ITPRID1: variants seen among roughly 807,000 people sequenced by gnomAD.
The protein encoded by ITPRID1 is ITPR interacting domain containing 1.
ITPRID1 carries 96 observed loss-of-function variants against 95.4 expected under a neutral mutation model. The observed-to-expected ratio is 1.01, with a 90% CI of 0.85 to 1.19. The LOEUF (loss-of-function observed/expected upper bound fraction) is 1.19. Among genes scored for constraint, ITPRID1 ranks in the 50% most tolerant of loss-of-function variants. The pLI, the probability that ITPRID1 is intolerant of heterozygous loss-of-function variation, is 0.00. For missense variants in ITPRID1, 1,339 were observed against 1,252.9 expected (o/e 1.07, Z -1.04); for synonymous variants, 510 against 453.6 (o/e 1.12, Z -1.58).
Position 31,574,752 on chromosome 7 carries a change from G to A in ITPRID1, c.598+10G>A, listed in dbSNP as rs375162818. 4 of 1,613,044 alleles carry A rather than the reference G, an allele frequency of 2.5e-6. No homozygotes were observed. The highest frequency in any genetic ancestry group is 3.4e-6 in the Non-Finnish European group (4 of 1,179,388). ...AACCCCAACTTGTACGGTAAGCGAG[G>A]TGCCTGTGGCATTCGCATCTCAGCA... is the stretch of plus-strand genomic sequence containing the variant. On this transcript the variant is annotated intron_variant, in intron 8 of 14. Coordinates refer to ENST00000615280, the MANE Select transcript of ITPRID1 (RefSeq NM_001257967.3).
chr7:31,653,013 A>G lies in ITPRID1; in HGVS notation c.*184A>G. 7.2e-7 allele frequency: 1 copy of G among 1,391,442 alleles called. No homozygotes were observed. Among genetic ancestry groups the G allele is most frequent in the Non-Finnish European group, 9.4e-7 (1 of 1,063,874 alleles). 86.2% of individuals were successfully genotyped at this position (1,391,442 alleles called of 1,614,324 possible). On this transcript the variant is annotated 3_prime_UTR_variant, in exon 15 of 15. Coordinates refer to ENST00000615280, the MANE Select transcript of ITPRID1 (RefSeq NM_001257967.3). ...TACTCTAATACTCATTCAGTATAGA[A>G]TAACTGAGCACCTAGTATGTGCCTG...
intron 5 of ITPRID1, among the ~76,000 whole-genome samples, chr7:31,562,044 T>TTA (rs1784641773): frequency 1.9e-5 from 1 of 52,510 alleles, no homozygotes. Context: ...GCTATGTATT[T>TTA]AAAAAAAAAA....
chr7:31,642,674 C>T lies in ITPRID1; in HGVS notation c.1312-8C>T. ...ACCTGTTTCCCTTTGTCCTGGTTTC[C>T]CCTACAGATGCCTTCCTTGCCAAAC... is the stretch of plus-strand genomic sequence containing the variant. On this transcript the variant is annotated splice_region_variant and splice_polypyrimidine_tract_variant and intron_variant, in intron 11 of 14. Coordinates refer to ENST00000615280, the MANE Select transcript of ITPRID1 (RefSeq NM_001257967.3). 2.5e-6 allele frequency: 4 copies of T among 1,611,686 alleles called. 1 individual carries two copies. In the Middle Eastern group the frequency reaches 5.0e-4, roughly 200 times the overall value.
intron 12 of ITPRID1, among the ~76,000 whole-genome samples, chr7:31,645,377 C>A (rs913472427): frequency 6.6e-6 from 1 of 151,978 alleles, no homozygotes; most frequent in African/African-American, 2.4e-5. Context: ...TGCAAGACTC[C>A]CAGGCATTTG....
chr7:31,552,286 G>A lies in ITPRID1; in HGVS notation c.-23-716G>A, dbSNP rs576811358. Among the ~76,000 whole-genome samples, 3 of 113,818 alleles carry A rather than the reference G, an allele frequency of 2.6e-5. 1 individual carries two copies. Among genetic ancestry groups the A allele is most frequent in the Admixed American group, 1.8e-4 (2 of 11,194 alleles). The allele number at this position is 113,818 out of a possible 152,430, so 74.7% of individuals were successfully genotyped here. A position where few individuals can be genotyped will look rare whatever the true frequency, so the allele number is the denominator to read the frequency against. On this transcript the variant is annotated intron_variant, in intron 2 of 14. Coordinates refer to ENST00000615280, the MANE Select transcript of ITPRID1 (RefSeq NM_001257967.3). Reference sequence around the variant, plus strand: ...GTCATGGGAACATGCTTGAGGTCCAGTGCCTGGTTTTGAGTCCTGGCTGGC... The same window carrying A: ...GTCATGGGAACATGCTTGAGGTCCAATGCCTGGTTTTGAGTCCTGGCTGGC...
At chr7:31,619,279 A>C (rs117375018) in intron 10 of ITPRID1, among the ~76,000 whole-genome samples, 2,183 of 152,284 alleles carry the variant, frequency 0.014, 31 homozygotes, top group Non-Finnish European at 0.022. Flanking sequence ...AACTCTCATA[A>C]TTTACATATG....
chr7:31,537,337 T>C (rs1783794385), intron 1 of ITPRID1, among the ~76,000 whole-genome samples: 1 of 152,142 alleles, frequency 6.6e-6, no homozygotes, highest in Non-Finnish European at 1.5e-5. Context: ...GAAAATTATA[T>C]CATTTTATCT....
At chr7:31,635,324 A>G (rs1789380983) in intron 10 of ITPRID1, among the ~76,000 whole-genome samples, 1 of 152,216 alleles carries the variant, frequency 6.6e-6, no homozygotes, top group African/African-American at 2.4e-5. Context: ...CTAAACCATC[A>G]GTAACCTGGC....
chr7:31,550,381 GGGAC>G (rs1336604083), intron 2 of ITPRID1, among the ~76,000 whole-genome samples: 2 of 152,054 alleles, frequency 1.3e-5, no homozygotes, highest in Non-Finnish European at 2.9e-5. Flanking sequence ...ATTCCTCTTG[GGGAC>G]AAGTCAAAGA....
At position 31,553,064 on chromosome 7, in the gene ITPRID1, G is replaced by A. The variant is rs763704398; in HGVS notation, c.40G>A (p.Glu14Lys). 10 of 1,609,264 alleles carry A rather than the reference G, an allele frequency of 6.2e-6. No homozygotes were observed. Among genetic ancestry groups the A allele is most frequent in the African/African-American group, 2.7e-5 (2 of 74,988 alleles). Residue 14 changes from glutamate to lysine, a missense_variant, in exon 3 of 15, where the codon GAA becomes AAA. Transcript: ENST00000615280. ...ATCACAAGGATCTGACAACCTTCAG[G>A]AAGGCCAGGAAAAGAGCAAGAGAGA... ...QKSQGSDNLQ[E>K]GQEKSKREIL...
At chr7:31,576,529 C>A (rs1785188325) in intron 8 of ITPRID1, among the ~76,000 whole-genome samples, 1 of 152,130 alleles carries the variant, frequency 6.6e-6, no homozygotes, top group South Asian at 2.1e-4. Flanking sequence ...GATTCAGTTT[C>A]AACTACAGCT....
At chr7:31,608,154 A>C (rs1177521319) in intron 10 of ITPRID1, among the ~76,000 whole-genome samples, 2 of 152,036 alleles carry the variant, frequency 1.3e-5, no homozygotes, top group Non-Finnish European at 1.5e-5. Context: ...ACCTTGGTTG[A>C]AAATCAGTTG....
chr7:31,572,204 G>A lies in ITPRID1; in HGVS notation c.395+16G>A, dbSNP rs770195352. The A allele has an allele frequency of 1.4e-5, 22 of 1,535,014 alleles. No homozygotes were observed. In the South Asian group the frequency reaches 2.4e-4, roughly 17 times the overall value. On this transcript the variant is annotated intron_variant, in intron 7 of 14. Coordinates refer to ENST00000615280, the MANE Select transcript of ITPRID1 (RefSeq NM_001257967.3). ...TACCACAAAGGTATGTAATTTCCAGGTGCTTTTCATCCTGAGAAATCATTC... is the reference window on the plus strand; with the variant it reads ...TACCACAAAGGTATGTAATTTCCAGATGCTTTTCATCCTGAGAAATCATTC...
rs1790216518 is a variant in ITPRID1 at position 31,643,635 on chromosome 7, A to G, written c.2265A>G (p.Arg755=). 1 of 1,614,052 alleles carries G rather than the reference A, an allele frequency of 6.2e-7. No homozygotes were observed. The highest frequency in any genetic ancestry group is 2.2e-5 in the East Asian group (1 of 44,874). Residue 755 remains arginine, a synonymous_variant, in exon 12 of 15, where the codon AGA becomes AGG. Coordinates refer to ENST00000615280, the MANE Select transcript of ITPRID1 (RefSeq NM_001257967.3). ...ATETRLGTKA[R]QLNDASIQTS... is the part of the protein sequence containing the mutation. ...AAACAAGACTGGGGACAAAAGCAAG[A>G]CAGTTAAATGATGCTTCCATTCAGA...
At chr7:31,540,395 G>C (rs1783896337) in intron 1 of ITPRID1, among the ~76,000 whole-genome samples, 1 of 152,138 alleles carries the variant, frequency 6.6e-6, no homozygotes, top group South Asian at 2.1e-4. Flanking sequence ...TCAGGACACA[G>C]CTTATTTTGG....
intron 12 of ITPRID1, among the ~76,000 whole-genome samples, chr7:31,650,079 T>C (rs1790818461): frequency 6.6e-6 from 1 of 152,198 alleles, no homozygotes; most frequent in Non-Finnish European, 1.5e-5. Flanking sequence ...GATTCTGCCC[T>C]CCTAGAGACC....
In ITPRID1 at chr7:31,549,314, C is replaced by A. The variant is rs539549200; in HGVS notation, c.-97-112C>A. 7.6e-5 allele frequency: 49 copies of A among 645,542 alleles called. No homozygotes were observed. In the South Asian group the frequency reaches 1.8e-3, roughly 24 times the overall value. The allele number at this position is 645,542 out of a possible 1,614,324, so 40.0% of individuals were successfully genotyped here. A position where few individuals can be genotyped will look rare whatever the true frequency, so the allele number is the denominator to read the frequency against. On this transcript the variant is annotated intron_variant, in intron 1 of 14. Coordinates refer to ENST00000615280, the MANE Select transcript of ITPRID1 (RefSeq NM_001257967.3). ...CCAAAAACATCTACTTCTCAATCAT[C>A]CAAACTAAGTAATTTCAAGACAACA...
At chr7:31,612,955 T>A (rs1311905452) in intron 10 of ITPRID1, among the ~76,000 whole-genome samples, 2 of 152,182 alleles carry the variant, frequency 1.3e-5, no homozygotes, top group African/African-American at 4.8e-5. Context: ...ATTAAACAAT[T>A]ACCATTGTTT....
intron 1 of ITPRID1, among the ~76,000 whole-genome samples, chr7:31,538,684 A>T (rs1000056238): frequency 2.0e-5 from 3 of 152,322 alleles, no homozygotes; most frequent in Non-Finnish European, 4.4e-5. Context: ...AAAACATGGA[A>T]ATAGCACAGA....
Sources: gnomAD v4.1 joint callset for allele counts (sites outside exome capture counted in the v4.1 genomes callset) on GRCh38, gnomAD v4.1.1 for gene constraint, MANE v1.5 for transcripts, NCBI Gene and HGNC (gene_info 2026-07-23, HGNC 2026-07-21) for gene names.